The following TIAM1 variants were observed in gnomAD, a reference collection of about 807,000 sequenced individuals.
The protein encoded by TIAM1 is rho guanine nucleotide exchange factor TIAM1.
In TIAM1, 65 loss-of-function variants were observed where a neutral mutation model predicts 163.5. That is an observed-to-expected ratio of 0.40 (90% CI 0.33 to 0.49). TIAM1 has a LOEUF of 0.49. Among genes scored for constraint, TIAM1 ranks in the 20% least tolerant of loss-of-function variants. TIAM1 has a pLI of 0.77. For missense variants in TIAM1, 1,789 were observed against 2,044.7 expected (o/e 0.87, Z 2.41); for synonymous variants, 833 against 810.1 (o/e 1.03, Z -0.48).
intron 2 of TIAM1, among the ~76,000 whole-genome samples, chr21:31,386,530 G>A (rs542365379): frequency 4.6e-5 from 7 of 152,266 alleles, no homozygotes; most frequent in East Asian, 3.9e-4. Context: ...AGGAACTGCC[G>A]CAGCCCTTCC....
At chr21:31,206,022 T>C (rs1294989797) in intron 11 of TIAM1, among the ~76,000 whole-genome samples, 1 of 152,198 alleles carries the variant, frequency 6.6e-6, no homozygotes, top group Non-Finnish European at 1.5e-5. Flanking sequence ...CAAACCATCA[T>C]ATTTTTCAAA....
chr21:31,372,729 T>C (rs1049368720), intron 2 of TIAM1, among the ~76,000 whole-genome samples: 14 of 152,058 alleles, frequency 9.2e-5, no homozygotes, highest in African/African-American at 3.4e-4. Context: ...CCCAGCACAT[T>C]GGAAGGCCAA....
At chr21:31,224,388 A>G (rs983302821) in intron 7 of TIAM1, among the ~76,000 whole-genome samples, 3 of 152,252 alleles carry the variant, frequency 2.0e-5, no homozygotes, top group Non-Finnish European at 4.4e-5. Flanking sequence ...ACCATGGTGT[A>G]TACGTACAAC....
chr21:31,144,229 G>T (rs2082995734), intron 20 of TIAM1, among the ~76,000 whole-genome samples: 1 of 152,206 alleles, frequency 6.6e-6, no homozygotes, highest in Non-Finnish European at 1.5e-5. Flanking sequence ...AGGAGAGCTG[G>T]GCCGGGCTGG....
chr21:31,446,064 C>A (rs1298535209), intron 2 of TIAM1, among the ~76,000 whole-genome samples: 1 of 152,136 alleles, frequency 6.6e-6, no homozygotes, highest in East Asian at 1.9e-4. Context: ...CCTCAGCCTC[C>A]CAAGTAGCTG....
chr21:31,483,993 G>A (rs2046195738), intron 1 of TIAM1, among the ~76,000 whole-genome samples: 1 of 152,152 alleles, frequency 6.6e-6, no homozygotes. Flanking sequence ...CCTTTGAAAG[G>A]TGATCAGTCA....
At chr21:31,204,711 A>G (rs60253981) in intron 11 of TIAM1, among the ~76,000 whole-genome samples, 18,571 of 152,240 alleles carry the variant, frequency 0.12, 3,591 homozygotes, top group African/African-American at 0.41. Flanking sequence ...GTAGATGTGG[A>G]AGGTGAGGCA....
intron 25 of TIAM1, among the ~76,000 whole-genome samples, chr21:31,127,871 G>A (rs2082270249): frequency 6.6e-6 from 1 of 152,178 alleles, no homozygotes; most frequent in Non-Finnish European, 1.5e-5. Context: ...TTTGCTGTCT[G>A]TTAAGGGAGG....
intron 2 of TIAM1, among the ~76,000 whole-genome samples, chr21:31,378,985 C>A (rs1039966171): frequency 4.7e-4 from 71 of 152,032 alleles, no homozygotes; most frequent in African/African-American, 1.4e-3. Flanking sequence ...TTTGTTTTTT[C>A]AATTGAGATG....
intron 2 of TIAM1, among the ~76,000 whole-genome samples, chr21:31,281,837 G>A (rs1441820034): frequency 1.3e-5 from 2 of 151,996 alleles, no homozygotes; most frequent in Non-Finnish European, 2.9e-5. Flanking sequence ...GATAGTGGAT[G>A]GTGAATGGAT....
chr21:31,384,547 C>G (rs571794211), intron 2 of TIAM1, among the ~76,000 whole-genome samples: 1 of 152,150 alleles, frequency 6.6e-6, no homozygotes, highest in South Asian at 2.1e-4. Context: ...TGCACTCCAG[C>G]CCGGGTGACA....
In TIAM1 at chr21:31,333,226, CT is replaced by C. The variant is rs1397476394; in HGVS notation, c.-189+6016del. ...ATCTGGGTAGGTGTGGTTTGTCCGC[CT>C]GGGGGCTGCTGAGCCTAGTCCAGGC... On this transcript the variant is annotated intron_variant, in intron 2 of 27. Coordinates refer to ENST00000541036, the MANE Select transcript of TIAM1 (RefSeq NM_001353694.2). Among the ~76,000 whole-genome samples, 11 of 152,264 alleles carry C rather than the reference CT, an allele frequency of 7.2e-5. No individual in the cohort carries two copies. In the East Asian group the frequency reaches 1.4e-3, roughly 19 times the overall value.
At chr21:31,394,068 T>C (rs1394677313) in intron 2 of TIAM1, among the ~76,000 whole-genome samples, 2 of 152,240 alleles carry the variant, frequency 1.3e-5, no homozygotes. Flanking sequence ...TTATAGCAAT[T>C]TTATTCATAA....
chr21:31,198,196 A>G (rs1310403479), intron 12 of TIAM1, among the ~76,000 whole-genome samples: 1 of 152,198 alleles, frequency 6.6e-6, no homozygotes, highest in East Asian at 1.9e-4. Flanking sequence ...TCGTCCAGAA[A>G]CGATTTTATT....
At chr21:31,448,147 T>C (rs2044697593) in intron 2 of TIAM1, among the ~76,000 whole-genome samples, 1 of 152,198 alleles carries the variant, frequency 6.6e-6, no homozygotes, top group African/African-American at 2.4e-5. Flanking sequence ...CCAGAATATC[T>C]GACCACGTAT....
chr21:31,448,089 T>C (rs1420469133), intron 2 of TIAM1, among the ~76,000 whole-genome samples: 3 of 152,156 alleles, frequency 2.0e-5, no homozygotes, highest in Non-Finnish European at 1.5e-5. Flanking sequence ...TCACTCAGTC[T>C]ACTGATTTCA....
intron 1 of TIAM1, among the ~76,000 whole-genome samples, chr21:31,476,092 A>C (rs1206378398): frequency 2.0e-5 from 3 of 152,206 alleles, no homozygotes; most frequent in Non-Finnish European, 4.4e-5. Flanking sequence ...TGGCAGGACA[A>C]ACGAAATATC....
chr21:31,302,672 T>C (rs2074549638), intron 2 of TIAM1, among the ~76,000 whole-genome samples: 1 of 152,180 alleles, frequency 6.6e-6, no homozygotes, highest in East Asian at 1.9e-4. Context: ...CCTAAACATC[T>C]AAGAGATTTT....
intron 8 of TIAM1, among the ~76,000 whole-genome samples, chr21:31,219,080 G>A (rs912217510): frequency 7.5e-6 from 1 of 133,270 alleles, no homozygotes; most frequent in Admixed American, 8.8e-5. Context: ...CACCCAGGCT[G>A]GAGTCCAGTG....
Sources: gnomAD v4.1 joint callset for allele counts (sites outside exome capture counted in the v4.1 genomes callset) on GRCh38, gnomAD v4.1.1 for gene constraint, MANE v1.5 for transcripts, NCBI Gene and HGNC (gene_info 2026-07-23, HGNC 2026-07-21) for gene names.